FGF14: variants seen among roughly 807,000 people sequenced by gnomAD.
FGF14 encodes the protein fibroblast growth factor homologous factor 4.
A neutral mutation model predicts 25.5 loss-of-function variants in FGF14; 5 were observed. That is an observed-to-expected ratio of 0.20 (90% CI 0.10 to 0.41). The LOEUF (loss-of-function observed/expected upper bound fraction) is 0.41, where lower values mean the gene tolerates loss of function less well. FGF14 is among the 10% of genes least tolerant of loss of function. The pLI, the probability that FGF14 is intolerant of heterozygous loss-of-function variation, is 1.00. For synonymous variants in FGF14, 138 were observed against 118.3 expected (o/e 1.17, Z -1.08); for missense variants, 222 against 320.1 (o/e 0.69, Z 2.34).
chr13:101,727,644 A>AC (rs1348911323), intron 3 of FGF14, among the ~76,000 whole-genome samples: 2 of 152,152 alleles, frequency 1.3e-5, no homozygotes, highest in Non-Finnish European at 2.9e-5. Flanking sequence ...TATACTTCTT[A>AC]CTTTGGGATG....
At chr13:102,313,965 G>A (rs2055896199) in intron 1 of FGF14, among the ~76,000 whole-genome samples, 2 of 152,084 alleles carry the variant, frequency 1.3e-5, no homozygotes, top group Admixed American at 1.3e-4. Context: ...CAGCCATTAC[G>A]AAACAACTCT....
intron 3 of FGF14, among the ~76,000 whole-genome samples, chr13:101,756,247 T>C (rs190038781): frequency 1.3e-5 from 2 of 152,236 alleles, no homozygotes; most frequent in African/African-American, 4.8e-5. Context: ...TCATGCCACA[T>C]AAAACCTTTC....
rs1475056438 is a variant in FGF14 at position 101,722,215 on chromosome 13, T to C, written c.*616A>G. 1 of 169,440 alleles carries C rather than the reference T, an allele frequency of 5.9e-6. No homozygotes were observed. The highest frequency in any genetic ancestry group is 1.3e-5 in the Non-Finnish European group (1 of 78,162). 10.5% of individuals were successfully genotyped at this position (169,440 alleles called of 1,614,324 possible). On this transcript the variant is annotated 3_prime_UTR_variant, in exon 5 of 5. Coordinates refer to ENST00000376143, the MANE Select transcript of FGF14 (RefSeq NM_004115.4). Reference sequence around the variant, plus strand: ...AGAGACAACAATCTTTCTTAATCTTTCTTTATAGATGCAATTTGTAATAAT... The same window carrying C: ...AGAGACAACAATCTTTCTTAATCTTCCTTTATAGATGCAATTTGTAATAAT...
At chr13:102,110,568 GAAC>G (rs1263652821) in intron 1 of FGF14, among the ~76,000 whole-genome samples, 5 of 152,102 alleles carry the variant, frequency 3.3e-5, no homozygotes, top group African/African-American at 9.7e-5. Flanking sequence ...AGTTCCAACA[GAAC>G]AACAGAACCA....
intron 1 of FGF14, among the ~76,000 whole-genome samples, chr13:102,100,464 G>A (rs2044606969): frequency 6.7e-6 from 1 of 150,100 alleles, no homozygotes; most frequent in African/African-American, 2.5e-5. Flanking sequence ...ACAGAAGGAG[G>A]TGCTTCCGGA....
chr13:102,097,073 C>T (rs9518630), intron 1 of FGF14, among the ~76,000 whole-genome samples: 58,285 of 148,724 alleles, frequency 0.39, 13,356 homozygotes, highest in Non-Finnish European at 0.52. Context: ...CATAAGAAAA[C>T]ACAAAAACAA....
At chr13:101,939,244 T>C (rs2035292285) in intron 1 of FGF14, among the ~76,000 whole-genome samples, 1 of 152,232 alleles carries the variant, frequency 6.6e-6, no homozygotes, top group African/African-American at 2.4e-5. Context: ...TCTGTGCGTT[T>C]CATAGATATT....
intron 1 of FGF14, among the ~76,000 whole-genome samples, chr13:102,161,670 GA>G (rs2047750833): frequency 1.9e-5 from 1 of 51,756 alleles, no homozygotes; most frequent in Non-Finnish European, 4.3e-5. Context: ...AGAAGAAGAA[GA>G]AGAAGAAGAA....
intron 1 of FGF14, among the ~76,000 whole-genome samples, chr13:102,360,014 T>C (rs1336575229): frequency 7.3e-6 from 1 of 136,630 alleles, no homozygotes; most frequent in African/African-American, 2.9e-5. Context: ...AAAAACACGA[T>C]GATGTCTTTA....
At chr13:102,120,518 A>G (rs2045670874) in intron 1 of FGF14, among the ~76,000 whole-genome samples, 1 of 152,144 alleles carries the variant, frequency 6.6e-6, no homozygotes, top group African/African-American at 2.4e-5. Flanking sequence ...TCACTAGAAG[A>G]GAAAGTAATT....
chr13:102,244,364 C>T (rs1252137259), intron 1 of FGF14, among the ~76,000 whole-genome samples: 1 of 151,670 alleles, frequency 6.6e-6, no homozygotes, highest in Non-Finnish European at 1.5e-5. Context: ...TGTGCAGCTC[C>T]CACATCCTCT....
chr13:101,943,824 A>ATATATATATATATATAT (rs553788083), intron 1 of FGF14, among the ~76,000 whole-genome samples: 17 of 126,940 alleles, frequency 1.3e-4, no homozygotes, highest in African/African-American at 6.2e-4. Flanking sequence ...AAAAAAAAAA[A>ATATATATATATATATAT]AAATATATAT....
chr13:101,923,102 A>T (rs1435423335), intron 1 of FGF14, among the ~76,000 whole-genome samples: 1 of 152,110 alleles, frequency 6.6e-6, no homozygotes, highest in Non-Finnish European at 1.5e-5. Context: ...TATAATACGC[A>T]TATGAATTCT....
At chr13:102,053,635 C>A (rs1296988931) in intron 1 of FGF14, among the ~76,000 whole-genome samples, 1 of 152,048 alleles carries the variant, frequency 6.6e-6, no homozygotes, top group Non-Finnish European at 1.5e-5. Flanking sequence ...AGAAAGCTTT[C>A]TAAGTGTTAG....
chr13:102,084,072 T>C (rs919099204), intron 1 of FGF14, among the ~76,000 whole-genome samples: 9 of 152,128 alleles, frequency 5.9e-5, no homozygotes, highest in Non-Finnish European at 1.2e-4. Flanking sequence ...TCTGAAGCCT[T>C]TGCTCAAGGC....
intron 1 of FGF14, among the ~76,000 whole-genome samples, chr13:102,183,448 C>T (rs944581486): frequency 1.8e-4 from 28 of 152,226 alleles, no homozygotes; most frequent in Middle Eastern, 3.4e-3. Flanking sequence ...CAGATCGTCC[C>T]TGCCATATAG....
chr13:101,994,739 T>C (rs975165139), intron 1 of FGF14, among the ~76,000 whole-genome samples: 2 of 152,050 alleles, frequency 1.3e-5, no homozygotes, highest in Non-Finnish European at 2.9e-5. Context: ...ATAAACACAT[T>C]CTGCTAAATT....
Position 101,720,548 on chromosome 13 carries a change from GTGTGTGTGTGTGTGTGTA to G in FGF14, c.*2265_*2282del, listed in dbSNP as rs999010736. 14 of 151,610 alleles carry G rather than the reference GTGTGTGTGTGTGTGTGTA, an allele frequency of 9.2e-5. No homozygotes were observed. The highest frequency in any genetic ancestry group is 2.9e-4 in the African/African-American group (12 of 41,312). 9.4% of individuals were successfully genotyped at this position (151,610 alleles called of 1,614,324 possible). On this transcript the variant is annotated 3_prime_UTR_variant, in exon 5 of 5. Coordinates refer to ENST00000376143, the MANE Select transcript of FGF14 (RefSeq NM_004115.4). ...GTTTGCTCTGTGTGTGTGTGTGTGT[GTGTGTGTGTGTGTGTGTA>G]TATGTGTGTGTTTGTGTGAAGTGAA... is the stretch of plus-strand genomic sequence containing the variant.
At chr13:101,792,530 G>C (rs1424951532) in intron 3 of FGF14, among the ~76,000 whole-genome samples, 2 of 151,998 alleles carry the variant, frequency 1.3e-5, no homozygotes, top group Non-Finnish European at 2.9e-5. Context: ...GGCCATTTTC[G>C]TGGAGGAAAA....
Sources: allele counts gnomAD v4.1 joint callset (sites outside exome capture counted in the v4.1 genomes callset), GRCh38; gene constraint gnomAD v4.1.1; transcripts MANE v1.5; gene names NCBI Gene and HGNC (gene_info 2026-07-23, HGNC 2026-07-21).